Variants in TIA1 observed in about 807,000 individuals in gnomAD.
TIA1 encodes cytotoxic granule associated RNA binding protein TIA1.
In TIA1, 23 loss-of-function variants were observed where a neutral mutation model predicts 65.9. The ratio of observed to expected loss-of-function variants is 0.35; its 90% confidence interval spans 0.25 to 0.49. The LOEUF (loss-of-function observed/expected upper bound fraction) is 0.49. TIA1 is among the 20% of genes least tolerant of loss of function. TIA1 has a pLI of 0.98. For synonymous variants in TIA1, 147 were observed against 149.4 expected, an observed-to-expected ratio of 0.98 and a Z score of 0.12; for missense variants, 371 against 477.9, an observed-to-expected ratio of 0.78 and a Z score of 2.09.
At chr2:70,241,545 T>C (rs536956937) in intron 1 of TIA1, among the ~76,000 whole-genome samples, 1 of 152,216 alleles carries the variant, frequency 6.6e-6, no homozygotes, top group African/African-American at 2.4e-5. Context: ...ATCTTCCTCT[T>C]CCTGAGTGTG....
At chr2:70,242,036 A>C (rs1177921962) in intron 1 of TIA1, among the ~76,000 whole-genome samples, 4 of 152,206 alleles carry the variant, frequency 2.6e-5, no homozygotes, top group Admixed American at 2.6e-4. Flanking sequence ...TATCAGTGGA[A>C]AAATTGGAAT....
At chr2:70,244,104 C>T (rs902343747) in intron 1 of TIA1, among the ~76,000 whole-genome samples, 13 of 152,194 alleles carry the variant, frequency 8.5e-5, no homozygotes, top group African/African-American at 2.2e-4. Context: ...ACTACATTTA[C>T]TCTCTTCAGG....
At chr2:70,220,143 G>T (rs971448846) in intron 7 of TIA1, among the ~76,000 whole-genome samples, 7 of 152,080 alleles carry the variant, frequency 4.6e-5, no homozygotes, top group African/African-American at 1.7e-4. Context: ...GGGCACGGTG[G>T]CTCACACTTA....
At chr2:70,243,056 G>A (rs1172110627) in intron 1 of TIA1, among the ~76,000 whole-genome samples, 2 of 152,132 alleles carry the variant, frequency 1.3e-5, no homozygotes, top group African/African-American at 4.8e-5. Flanking sequence ...CTGAACATTT[G>A]CAATTTGCTA....
intron 1 of TIA1, among the ~76,000 whole-genome samples, chr2:70,246,250 T>G (rs182350649): frequency 1.5e-4 from 23 of 152,346 alleles, no homozygotes; most frequent in Admixed American, 7.9e-4. Flanking sequence ...TAAACAAATG[T>G]ATTGATTACT....
chr2:70,243,452 T>C (rs1040893499), intron 1 of TIA1, among the ~76,000 whole-genome samples: 1 of 152,018 alleles, frequency 6.6e-6, no homozygotes, highest in Admixed American at 6.6e-5. Flanking sequence ...ATAAATAAAT[T>C]GTGTAGAATA....
intron 2 of TIA1, 115 bp from the exon 3 acceptor site, chr2:70,230,969 G>T: frequency 1.4e-6 from 1 of 694,336 alleles, no homozygotes; most frequent in Non-Finnish European, 2.4e-6. Context: ...ATCAGGCCAT[G>T]GAGAATGAAT....
chr2:70,236,019 T>A (rs1168635404), intron 2 of TIA1, 60 bp downstream of exon 2: 4 of 1,000,984 alleles, frequency 4.0e-6, no homozygotes, highest in Non-Finnish European at 6.1e-6. Flanking sequence ...TTCCAAGCAA[T>A]GGCTTTAAGT....
intron 1 of TIA1, among the ~76,000 whole-genome samples, chr2:70,242,615 T>A (rs913588627): frequency 5.3e-5 from 8 of 152,068 alleles, no homozygotes; most frequent in African/African-American, 1.9e-4. Flanking sequence ...TCATTTTTAT[T>A]CTTAGTTGGT....
chr2:70,234,340 T>A (rs1247373901), intron 2 of TIA1, among the ~76,000 whole-genome samples: 1 of 152,146 alleles, frequency 6.6e-6, no homozygotes, highest in African/African-American at 2.4e-5. Context: ...GAAAGACTGG[T>A]TTTAAATTTC....
At chr2:70,229,416 A>T (rs886392357) in intron 3 of TIA1, 98 bp from the exon 4 acceptor site, 1 of 1,045,048 alleles carries the variant, frequency 9.6e-7, no homozygotes. Context: ...GTTTAAGATG[A>T]AACACTGAAG....
chr2:70,244,009 C>G (rs1022347368), intron 1 of TIA1, among the ~76,000 whole-genome samples: 3 of 152,210 alleles, frequency 2.0e-5, no homozygotes, highest in East Asian at 3.8e-4. Flanking sequence ...GATAAGATAG[C>G]CCTCATAAGG....
chr2:70,213,410 C>T (rs1246566706), intron 12 of TIA1, among the ~76,000 whole-genome samples: 1 of 148,900 alleles, frequency 6.7e-6, no homozygotes, highest in Non-Finnish European at 1.5e-5. Flanking sequence ...GTGGTATGAT[C>T]TCAGCTCACT....
intron 1 of TIA1, among the ~76,000 whole-genome samples, chr2:70,242,661 CT>C (rs1199782624): frequency 1.3e-5 from 2 of 152,090 alleles, no homozygotes; most frequent in African/African-American, 2.4e-5. Flanking sequence ...CAACTCCCCC[CT>C]AGGCCATGGA....
At position 70,226,853 on chromosome 2, in the gene TIA1, C is replaced by T. The variant is rs192374326; in HGVS notation, c.398+882G>A. Among the ~76,000 whole-genome samples, 439 of 152,194 alleles carry T rather than the reference C, an allele frequency of 2.9e-3. 1 individual carries two copies. Among genetic ancestry groups the T allele is most frequent in the African/African-American group, 0.01 (420 of 41,522 alleles). ...TGACCACCTTTAAAGTTGGTAATTC[C>T]TTGGTCACATCCCCTAATCAAGGAA... On this transcript the variant is annotated intron_variant, in intron 6 of 12. Coordinates refer to ENST00000433529, the MANE Select transcript of TIA1 (RefSeq NM_022173.4).
chr2:70,230,729 T>C, intron 3 of TIA1, 27 bp downstream of exon 3: 1 of 1,521,428 alleles, frequency 6.6e-7, no homozygotes, highest in Non-Finnish European at 8.9e-7. Context: ...TCAGTGCAAG[T>C]CACCTTCTTT....
At chr2:70,229,406 G>A in intron 3 of TIA1, 88 bp from the exon 4 acceptor site, 1 of 1,160,750 alleles carries the variant, frequency 8.6e-7, no homozygotes. Context: ...GAAGATATCT[G>A]TTTAAGATGA....
At chr2:70,229,027 A>T (rs1426456911) in intron 5 of TIA1, 32 bp downstream of exon 5, 3 of 1,577,250 alleles carry the variant, frequency 1.9e-6, no homozygotes, top group African/African-American at 1.4e-5. Context: ...CTTTCAAGAG[A>T]TTTCATTTTA....
intron 7 of TIA1, among the ~76,000 whole-genome samples, chr2:70,220,531 C>T (rs764401430): frequency 4.6e-5 from 7 of 152,098 alleles, no homozygotes; most frequent in Non-Finnish European, 1.0e-4. Flanking sequence ...CAGCAACCAC[C>T]AGAAGCTTGG....
Sources: allele counts gnomAD v4.1 joint callset (sites outside exome capture counted in the v4.1 genomes callset), GRCh38; gene constraint gnomAD v4.1.1; transcripts MANE v1.5; gene names NCBI Gene and HGNC (gene_info 2026-07-23, HGNC 2026-07-21).